Variants in RASGEF1B observed in about 807,000 individuals in gnomAD.
The protein encoded by RASGEF1B is RasGEF domain family member 1B, also known as ras-GEF domain-containing family member 1B.
Under a neutral mutation model 65.7 loss-of-function variants are expected in RASGEF1B, and 30 were observed. That is an observed-to-expected ratio of 0.46 (90% CI 0.34 to 0.62). The LOEUF (loss-of-function observed/expected upper bound fraction) is 0.62, where lower values mean the gene tolerates loss of function less well. RASGEF1B is among the 20% of genes least tolerant of loss of function. The probability of loss-of-function intolerance (pLI) is 0.01; values close to 1 mark genes in which losing one functional copy is unlikely to be tolerated. For synonymous variants in RASGEF1B, 175 were observed against 194.8 expected (o/e 0.90, Z 0.85); for missense variants, 495 against 580.1 (o/e 0.85, Z 1.51).
chr4:81,444,418 T>C (rs1721949369), intron 8 of RASGEF1B, among the ~76,000 whole-genome samples: 1 of 152,220 alleles, frequency 6.6e-6, no homozygotes, highest in South Asian at 2.1e-4. Flanking sequence ...AAATGATATG[T>C]AAACAAAATG....
chr4:81,458,727 T>C (rs1187067958), intron 2 of RASGEF1B, among the ~76,000 whole-genome samples: 3 of 152,160 alleles, frequency 2.0e-5, no homozygotes, highest in Non-Finnish European at 4.4e-5. Context: ...CATCAGCAAA[T>C]ACTCAACACT....
At chr4:81,428,544 A>T (rs923005530) in intron 13 of RASGEF1B, among the ~76,000 whole-genome samples, 6 of 152,254 alleles carry the variant, frequency 3.9e-5, no homozygotes, top group Admixed American at 1.3e-4. Context: ...AGATATTGAA[A>T]TTAATCTAGA....
intron 6 of RASGEF1B, 115 bp downstream of exon 6, chr4:81,447,389 T>A: frequency 1.3e-6 from 1 of 794,166 alleles, no homozygotes; most frequent in African/African-American, 1.8e-5. Flanking sequence ...AAAAAAATTC[T>A]GATTTTAAAA....
rs1374197009 is a variant in RASGEF1B at position 81,459,596 on chromosome 4, A to G, written c.-6-82T>C. 2.9e-6 allele frequency: 3 copies of G among 1,037,088 alleles called. No homozygotes were observed. The African/African-American group carries it at 4.8e-5, about 17-fold the overall frequency. 64.2% of individuals were successfully genotyped at this position (1,037,088 alleles called of 1,614,324 possible). On this transcript the variant is annotated intron_variant, in intron 1 of 13. Coordinates refer to ENST00000264400, the MANE Select transcript of RASGEF1B (RefSeq NM_152545.3). ...AAGGTAAGCTTTAATAGGCACTAAG[A>G]TTTAATAGTAACGAGAGAATAGGCA...
In RASGEF1B at chr4:81,463,786, C is replaced by T. The variant is rs543438449; in HGVS notation, c.-6-4272G>A. Among the ~76,000 whole-genome samples, 10 of 152,254 alleles carry T rather than the reference C, an allele frequency of 6.6e-5. No individual in the cohort carries two copies. In the South Asian group the frequency reaches 8.3e-4, roughly 13 times the overall value. On this transcript the variant is annotated intron_variant, in intron 1 of 13. Coordinates refer to ENST00000264400, the MANE Select transcript of RASGEF1B (RefSeq NM_152545.3). ...ACCACACCAAGAGCTACTGTTTGTT[C>T]GGTATTACTCAGACTTGATGTCTGG...
At chr4:81,444,759 T>A (rs182520904) in intron 8 of RASGEF1B, among the ~76,000 whole-genome samples, 3 of 152,306 alleles carry the variant, frequency 2.0e-5, no homozygotes, top group Admixed American at 1.3e-4. Context: ...GTGGTCTCGA[T>A]CTCCTGACTT....
At chr4:81,459,602 T>G (rs1722572919) in intron 1 of RASGEF1B, 88 bp from the exon 2 acceptor site, 1 of 1,000,824 alleles carries the variant, frequency 1.0e-6, no homozygotes, top group Admixed American at 3.1e-5. Context: ...TAAGATTTAA[T>G]AGTAACGAGA....
At chr4:81,467,138 T>C (rs1393901407) in intron 1 of RASGEF1B, among the ~76,000 whole-genome samples, 1 of 152,108 alleles carries the variant, frequency 6.6e-6, no homozygotes, top group Non-Finnish European at 1.5e-5. Context: ...AATCAGTATT[T>C]TTGAGGAAGG....
chr4:81,432,744 T>G (rs1560692791), intron 12 of RASGEF1B, among the ~76,000 whole-genome samples: 2 of 152,204 alleles, frequency 1.3e-5, no homozygotes, highest in Non-Finnish European at 2.9e-5. Flanking sequence ...TTTTTTCTTT[T>G]TTTTAAAACT....
At chr4:81,445,482 G>C in intron 8 of RASGEF1B, 44 bp downstream of exon 8, 1 of 1,295,570 alleles carries the variant, frequency 7.7e-7, no homozygotes, top group Non-Finnish European at 1.1e-6. Context: ...CATTTTACAG[G>C]ATTCGTAAAG....
At chr4:81,441,018 A>G (rs1721815690) in intron 9 of RASGEF1B, 89 bp from the exon 10 acceptor site, 8 of 816,036 alleles carry the variant, frequency 9.8e-6, no homozygotes, top group Middle Eastern at 4.8e-4. Context: ...AGCTATATAC[A>G]AAATTCAAAA....
chr4:81,457,565 C>A lies in RASGEF1B; in HGVS notation c.234G>T (p.Glu78Asp). 6.2e-7 allele frequency: 1 copy of A among 1,614,054 alleles called. No homozygotes were observed. The highest frequency in any genetic ancestry group is 8.5e-7 in the Non-Finnish European group (1 of 1,179,970). Residue 78 changes from glutamate to aspartate, a missense_variant, in exon 3 of 14, where the codon GAG (glutamate) becomes GAT (aspartate). By Grantham distance (45) the Glu-to-Asp change is conservative. Transcript: ENST00000264400. ...LSSRLFMHPYELMAKVCHLCV... is the reference protein window; with the variant it reads ...LSSRLFMHPYDLMAKVCHLCV... ...ATAAGTGGCAAACTTTGGCCATTAG[C>A]TCATACGGATGCATAAATAACCGAG...
Position 81,445,698 on chromosome 4 carries a change from A to C in RASGEF1B, c.825+45T>G, listed in dbSNP as rs183540090. On this transcript the variant is annotated intron_variant, in intron 7 of 13. Transcript: ENST00000264400. ...CCCAACAGTTCTAAAATAAGTATGA[A>C]AAAATAATGTTGAGAACTAGGAGAC... is the stretch of plus-strand genomic sequence containing the variant. 146 of 1,591,446 alleles carry C rather than the reference A, an allele frequency of 9.2e-5. No homozygotes were observed. In the East Asian group the frequency reaches 1.6e-3, roughly 18 times the overall value.
intron 13 of RASGEF1B, among the ~76,000 whole-genome samples, chr4:81,430,103 T>C (rs934312267): frequency 2.8e-4 from 43 of 152,214 alleles, no homozygotes; most frequent in Non-Finnish European, 3.8e-4. Context: ...AGATCGAGAC[T>C]ATCCTGGCTA....
chr4:81,458,199 A>AAAG (rs1328886210), intron 2 of RASGEF1B, among the ~76,000 whole-genome samples: 1 of 152,264 alleles, frequency 6.6e-6, no homozygotes, highest in Admixed American at 6.5e-5. Context: ...TTAATAAAGC[A>AAAG]CAATATAACA....
chr4:81,440,304 G>T (rs1721791174), intron 10 of RASGEF1B, among the ~76,000 whole-genome samples: 1 of 152,160 alleles, frequency 6.6e-6, no homozygotes. Flanking sequence ...GTAGGGTAGA[G>T]TGAGAAAGGA....
At chr4:81,444,726 AG>A (rs1363703571) in intron 8 of RASGEF1B, among the ~76,000 whole-genome samples, 4 of 152,094 alleles carry the variant, frequency 2.6e-5, no homozygotes, top group African/African-American at 9.7e-5. Context: ...TAGTAGATAC[AG>A]GGTTTCACCA....
At chr4:81,432,519 G>T in intron 12 of RASGEF1B, 148 bp from the exon 13 acceptor site, 1 of 558,570 alleles carries the variant, frequency 1.8e-6, no homozygotes. Context: ...ACTGTTTCAT[G>T]AAGAACACAG....
chr4:81,457,392 T>C (rs2109990438), intron 3 of RASGEF1B, 107 bp downstream of exon 3: 3 of 1,020,744 alleles, frequency 2.9e-6, no homozygotes, highest in Non-Finnish European at 4.4e-6. Flanking sequence ...ATGCCATTTA[T>C]GCACTTCAGC....
Sources: gnomAD v4.1 joint callset for allele counts (sites outside exome capture counted in the v4.1 genomes callset) on GRCh38, gnomAD v4.1.1 for gene constraint, MANE v1.5 for transcripts, NCBI Gene and HGNC (gene_info 2026-07-23, HGNC 2026-07-21) for gene names.